ATP8B4: variants seen among roughly 807,000 people sequenced by gnomAD.
ATP8B4 encodes the protein probable phospholipid-transporting ATPase IM.
Under a neutral mutation model 145.6 loss-of-function variants are expected in ATP8B4, and 133 were observed. That is an observed-to-expected ratio of 0.91 (90% confidence interval 0.79 to 1.05). ATP8B4 has a LOEUF of 1.05. Ranked by LOEUF, ATP8B4 falls within the 50% of genes least tolerant of loss-of-function variation. The probability of loss-of-function intolerance (pLI) is 0.00; values close to 1 mark genes in which losing one functional copy is unlikely to be tolerated. For synonymous variants in ATP8B4, 507 were observed against 492.9 expected, an observed-to-expected ratio of 1.03 and a Z score of -0.38; for missense variants, 1,458 against 1,425.2, an observed-to-expected ratio of 1.02 and a Z score of -0.37.
intron 6 of ATP8B4, among the ~76,000 whole-genome samples, chr15:50,031,134 CA>C (rs1173419943): frequency 6.6e-6 from 1 of 152,156 alleles, no homozygotes; most frequent in Non-Finnish European, 1.5e-5. Flanking sequence ...TCACTGAGTT[CA>C]AAAAGCACTG....
At chr15:50,082,610 C>T (rs2153644118) in intron 2 of ATP8B4, among the ~76,000 whole-genome samples, 2 of 152,290 alleles carry the variant, frequency 1.3e-5, no homozygotes, top group African/African-American at 4.8e-5. Context: ...TTATTCATTC[C>T]TCTTCTAGGA....
chr15:49,887,457 T>G (rs767091389), intron 23 of ATP8B4, among the ~76,000 whole-genome samples: 46 of 152,022 alleles, frequency 3.0e-4, no homozygotes, highest in Non-Finnish European at 5.7e-4. Flanking sequence ...ACTCTGATTT[T>G]GGGTGACTCA....
At chr15:50,128,661 A>AT (rs2057323149) in intron 1 of ATP8B4, among the ~76,000 whole-genome samples, 1 of 152,146 alleles carries the variant, frequency 6.6e-6, no homozygotes, top group African/African-American at 2.4e-5. Context: ...GAACTGGAAA[A>AT]GACTGTGGTT....
chr15:50,021,197 T>C (rs1019026167), intron 6 of ATP8B4, among the ~76,000 whole-genome samples: 3 of 152,194 alleles, frequency 2.0e-5, no homozygotes, highest in African/African-American at 7.2e-5. Flanking sequence ...TGTCCTTCAC[T>C]GCTAACACTC....
At chr15:49,977,942 T>C (rs1164056180) in intron 12 of ATP8B4, among the ~76,000 whole-genome samples, 1 of 152,140 alleles carries the variant, frequency 6.6e-6, no homozygotes, top group African/African-American at 2.4e-5. Flanking sequence ...GTCACACAGC[T>C]ATTAGTGGCA....
Position 49,934,194 on chromosome 15 carries a change from C to T in ATP8B4, c.1288-12G>A. On this transcript the variant is annotated splice_polypyrimidine_tract_variant and intron_variant, in intron 14 of 27. Transcript: ENST00000284509. ...ACAGGCTCTTTTTCCTGTAGGAGAA[C>T]AACAACAACAAAAATAACCAAAACC... 2 of 1,577,826 alleles carry T rather than the reference C, an allele frequency of 1.3e-6. No individual in the cohort carries two copies. Among genetic ancestry groups the T allele is most frequent in the Non-Finnish European group, 1.7e-6 (2 of 1,165,428 alleles).
At chr15:50,071,032 T>C (rs2053698270) in intron 3 of ATP8B4, among the ~76,000 whole-genome samples, 1 of 152,194 alleles carries the variant, frequency 6.6e-6, no homozygotes, top group South Asian at 2.1e-4. Context: ...TGAATCACCA[T>C]GCCCAGCCCA....
chr15:50,159,437 A>C (rs2044482660), intron 1 of ATP8B4, among the ~76,000 whole-genome samples: 2 of 152,220 alleles, frequency 1.3e-5, no homozygotes, highest in South Asian at 4.1e-4. Context: ...ATATCATCGT[A>C]AACAAGTATA....
upstream of ATP8B4, among the ~76,000 whole-genome samples, chr15:50,124,048 C>T (rs563371470): frequency 5.3e-5 from 8 of 152,298 alleles, no homozygotes; most frequent in African/African-American, 1.2e-4. Context: ...TGGGCCACCA[C>T]GCCCCCTTCT....
chr15:50,010,906 T>G lies in ATP8B4; in HGVS notation c.374A>C (p.Glu125Ala). ...TCCCACTTTGACATTCATCCATTTT[T>G]CATTCTGCAGTCTAAAAACAAAAAT... The part of the protein sequence containing the change: ...EVLINSKLQN[E>A]KWMNVKVGDI... The change falls in exon 7 of 28, where the codon GAA (glutamate) becomes GCA (alanine). Residue 125 changes from glutamate to alanine, a missense_variant. Coordinates refer to ENST00000284509, the MANE Select transcript of ATP8B4 (RefSeq NM_024837.4). 6.4e-7 allele frequency: 1 copy of G among 1,554,820 alleles called. No individual in the cohort carries two copies. The highest frequency in any genetic ancestry group is 8.7e-7 in the Non-Finnish European group (1 of 1,153,016).
chr15:49,910,855 A>C (rs956825957), intron 20 of ATP8B4, among the ~76,000 whole-genome samples: 2 of 152,114 alleles, frequency 1.3e-5, no homozygotes, highest in African/African-American at 4.8e-5. Context: ...GACAAGCAAA[A>C]ACTAAGGGAA....
At chr15:49,885,290 G>A (rs2036051859) in intron 23 of ATP8B4, among the ~76,000 whole-genome samples, 1 of 152,176 alleles carries the variant, frequency 6.6e-6, no homozygotes, top group African/African-American at 2.4e-5. Context: ...TCATATGGAA[G>A]TTTCCTCTGA....
chr15:50,072,033 T>A (rs992308933), intron 3 of ATP8B4, among the ~76,000 whole-genome samples: 3 of 150,510 alleles, frequency 2.0e-5, no homozygotes, highest in Non-Finnish European at 4.4e-5. Flanking sequence ...TAAATATTAA[T>A]AAATATTAAT....
At chr15:49,919,833 G>A (rs1350820989) in intron 18 of ATP8B4, among the ~76,000 whole-genome samples, 2 of 152,170 alleles carry the variant, frequency 1.3e-5, no homozygotes, top group South Asian at 4.1e-4. Flanking sequence ...CCATGCTCTG[G>A]ATAGCACAGA....
intron 22 of ATP8B4, 45 bp from the exon 23 acceptor site, chr15:49,897,560 G>A (rs779381257): frequency 6.4e-6 from 9 of 1,404,244 alleles, no homozygotes; most frequent in East Asian, 2.4e-5. Flanking sequence ...ACAAAGCCAC[G>A]ATCTCTTTTG....
At chr15:50,147,657 A>G (rs1428061009) in intron 1 of ATP8B4, among the ~76,000 whole-genome samples, 1 of 152,196 alleles carries the variant, frequency 6.6e-6, no homozygotes, top group African/African-American at 2.4e-5. Context: ...ACATGCTCAA[A>G]AGCTGATCGG....
rs1382140831 is a variant in ATP8B4 at position 49,901,108 on chromosome 15, A to C, written c.2273T>G (p.Ile758Arg). 6.2e-7 allele frequency: 1 copy of C among 1,612,716 alleles called. No homozygotes were observed. Among genetic ancestry groups the C allele is most frequent in the Admixed American group, 1.7e-5 (1 of 59,854 alleles). Residue 758 changes from isoleucine (I) to arginine (R), a missense_variant, in exon 21 of 28, where the codon ATA becomes AGA. Physicochemically the swap from Ile to Arg is moderately conservative, Grantham distance 97. Coordinates refer to ENST00000284509, the MANE Select transcript of ATP8B4 (RefSeq NM_024837.4). ...CAAACTCACCAAACTGTGGCCATTT[A>C]TGATTAAGGCATAATCTCCTGTTAT... ...ETITGDYALI[I>R]NGHSLAHALE...
At chr15:50,118,599 C>T (rs962432418) in intron 1 of ATP8B4, among the ~76,000 whole-genome samples, 1 of 152,138 alleles carries the variant, frequency 6.6e-6, no homozygotes, top group Non-Finnish European at 1.5e-5. Context: ...ACTCTCTTGC[C>T]TATAAACAAA....
chr15:49,887,474 T>C (rs1407805713), intron 23 of ATP8B4, among the ~76,000 whole-genome samples: 1 of 151,962 alleles, frequency 6.6e-6, no homozygotes, highest in Admixed American at 6.6e-5. Context: ...CTCAAATTGT[T>C]TATATAAAAG....
Sources: allele counts gnomAD v4.1 joint callset (sites outside exome capture counted in the v4.1 genomes callset), GRCh38; gene constraint gnomAD v4.1.1; transcripts MANE v1.5; gene names NCBI Gene and HGNC (gene_info 2026-07-23, HGNC 2026-07-21).